Variants in NPAS3 observed in about 807,000 individuals in gnomAD.
NPAS3 encodes neuronal PAS domain-containing protein 3.
In NPAS3, 14 loss-of-function variants were observed where a neutral mutation model predicts 73.1. The observed-to-expected ratio is 0.19, with a 90% CI of 0.13 to 0.30. The LOEUF is 0.30. Among genes scored for constraint, NPAS3 ranks in the 10% least tolerant of loss-of-function variants. The probability of loss-of-function intolerance (pLI) is 1.00; values close to 1 mark genes in which losing one functional copy is unlikely to be tolerated. For missense variants in NPAS3, 1,096 were observed against 1,250.0 expected (o/e 0.88, Z 1.86); for synonymous variants, 620 against 541.5 (o/e 1.14, Z -2.01).
At chr14:33,787,163 C>T (rs183500848) in intron 9 of NPAS3, among the ~76,000 whole-genome samples, 46 of 152,210 alleles carry the variant, frequency 3.0e-4, no homozygotes, top group African/African-American at 1.0e-3. Context: ...GAAAACAGCT[C>T]GTAAAATACT....
At chr14:33,279,836 A>G (rs2041514486) in intron 3 of NPAS3, among the ~76,000 whole-genome samples, 1 of 152,210 alleles carries the variant, frequency 6.6e-6, no homozygotes, top group South Asian at 2.1e-4. Context: ...AGCAGGTTGA[A>G]TCGCACAAAA....
chr14:33,542,326 G>T (rs1405265818), intron 4 of NPAS3, among the ~76,000 whole-genome samples: 4 of 151,838 alleles, frequency 2.6e-5, no homozygotes, highest in Non-Finnish European at 5.9e-5. Context: ...CCCTTTTTTT[G>T]TCCTCGAGAG....
intron 1 of NPAS3, among the ~76,000 whole-genome samples, chr14:32,990,047 T>G (rs2038268687): frequency 6.6e-6 from 1 of 152,178 alleles, no homozygotes; most frequent in East Asian, 1.9e-4. Context: ...AAGCAAAGGT[T>G]GGGTTCTACT....
intron 3 of NPAS3, among the ~76,000 whole-genome samples, chr14:33,282,346 C>G (rs1217938785): frequency 6.6e-6 from 1 of 152,144 alleles, no homozygotes; most frequent in Non-Finnish European, 1.5e-5. Context: ...TGCCTGGCAG[C>G]TGGTGATGCA....
intron 2 of NPAS3, among the ~76,000 whole-genome samples, chr14:33,141,762 T>C (rs907950307): frequency 7.2e-5 from 11 of 152,244 alleles, no homozygotes; most frequent in Non-Finnish European, 1.6e-4. Context: ...TATGAATGTT[T>C]ACATTCCTTG....
intron 4 of NPAS3, among the ~76,000 whole-genome samples, chr14:33,393,680 G>T (rs1016530241): frequency 1.3e-5 from 2 of 152,116 alleles, no homozygotes; most frequent in South Asian, 2.1e-4. Context: ...AGGGCCCCTT[G>T]CTTGTGTGGT....
intron 1 of NPAS3, among the ~76,000 whole-genome samples, chr14:32,996,467 T>C (rs1231840950): frequency 1.6e-4 from 24 of 152,138 alleles, no homozygotes; most frequent in Admixed American, 1.6e-3. Context: ...CAGCAGCCCA[T>C]CCCATCACAG....
At chr14:33,611,994 G>A (rs748955913) in intron 5 of NPAS3, among the ~76,000 whole-genome samples, 1 of 152,142 alleles carries the variant, frequency 6.6e-6, no homozygotes, top group Non-Finnish European at 1.5e-5. Flanking sequence ...GGGAAACTGG[G>A]CAGCCTGGCC....
At chr14:33,413,299 C>T (rs1362130991) in intron 4 of NPAS3, among the ~76,000 whole-genome samples, 1 of 150,432 alleles carries the variant, frequency 6.6e-6, no homozygotes, top group Non-Finnish European at 1.5e-5. Flanking sequence ...ATTTCATTTG[C>T]TACCGATAGC....
chr14:33,414,945 C>A (rs931455992), intron 4 of NPAS3, among the ~76,000 whole-genome samples: 4 of 152,116 alleles, frequency 2.6e-5, no homozygotes, highest in Non-Finnish European at 4.4e-5. Flanking sequence ...ATTCCCTGCT[C>A]CCCTCTCCCA....
At chr14:33,420,869 C>T (rs1471915740) in intron 4 of NPAS3, among the ~76,000 whole-genome samples, 2 of 151,782 alleles carry the variant, frequency 1.3e-5, no homozygotes, top group Non-Finnish European at 2.9e-5. Context: ...TAAACAATAG[C>T]GCTTTGCTTC....
chr14:33,647,268 TAC>T (rs2058856999), intron 5 of NPAS3, among the ~76,000 whole-genome samples: 1 of 145,326 alleles, frequency 6.9e-6, no homozygotes, highest in East Asian at 2.0e-4. Flanking sequence ...TACATCTTCT[TAC>T]TCTCTCTCTC....
At chr14:33,421,664 G>T (rs73262746) in intron 4 of NPAS3, among the ~76,000 whole-genome samples, 3,633 of 151,908 alleles carry the variant, frequency 0.024, 151 homozygotes, top group African/African-American at 0.082. Flanking sequence ...CTGTATGAAG[G>T]TTTAGGCAAT....
In NPAS3 at chr14:33,251,691, C is replaced by A. The variant is rs138613106; in HGVS notation, c.385+36265C>A. On this transcript the variant is annotated intron_variant, in intron 3 of 11. Coordinates refer to ENST00000356141, the Ensembl canonical transcript of NPAS3. ...ATCTCAGAACAAATATGAAAAAAAT[C>A]TTTATAATTCAACAAATAGCCTTAA... Among the ~76,000 whole-genome samples, 259 of 152,098 alleles carry A rather than the reference C, an allele frequency of 1.7e-3. 1 individual carries two copies. Among genetic ancestry groups the A allele is most frequent in the African/African-American group, 5.9e-3 (243 of 41,512 alleles).
chr14:33,107,242 C>CT (rs2042749975), intron 2 of NPAS3, among the ~76,000 whole-genome samples: 1 of 151,696 alleles, frequency 6.6e-6, no homozygotes, highest in Non-Finnish European at 1.5e-5. Context: ...AATATATTTT[C>CT]TTTTTTCCCC....
intron 4 of NPAS3, among the ~76,000 whole-genome samples, chr14:33,449,602 C>G (rs2049692248): frequency 6.6e-6 from 1 of 151,936 alleles, no homozygotes; most frequent in Non-Finnish European, 1.5e-5. Context: ...TACACAGACA[C>G]CCACACACAC....
chr14:33,015,088 A>G (rs2039344257), intron 1 of NPAS3, among the ~76,000 whole-genome samples: 1 of 152,212 alleles, frequency 6.6e-6, no homozygotes, highest in Admixed American at 6.5e-5. Flanking sequence ...GAATATGAGA[A>G]TTAATGACTG....
chr14:33,021,925 C>T (rs758056219), intron 1 of NPAS3, among the ~76,000 whole-genome samples: 2 of 152,090 alleles, frequency 1.3e-5, no homozygotes, highest in African/African-American at 4.8e-5. Flanking sequence ...AACTACATGT[C>T]AAGGTAGGTA....
At position 33,687,182 on chromosome 14, in the gene NPAS3, C is replaced by G. The variant is rs144995232; in HGVS notation, c.733+10797C>G. On this transcript the variant is annotated intron_variant, in intron 6 of 11. Coordinates refer to ENST00000356141, the Ensembl canonical transcript of NPAS3. ...ACTATGGAGGTCTTAAGCTTTCACA[C>G]ATGACTGGAATCGATGATGCCGTCT... is the stretch of plus-strand genomic sequence containing the variant. 5.3e-5 allele frequency among the ~76,000 whole-genome samples: 8 copies of G among 152,252 alleles called. No individual in the cohort carries two copies. The East Asian group carries it at 1.5e-3, about 29-fold the overall frequency.
Sources: gnomAD v4.1 joint callset for allele counts (sites outside exome capture counted in the v4.1 genomes callset) on GRCh38, gnomAD v4.1.1 for gene constraint, MANE v1.5 for transcripts, NCBI Gene and HGNC (gene_info 2026-07-23, HGNC 2026-07-21) for gene names.